SCN1A: variants seen among roughly 807,000 people sequenced by gnomAD.
SCN1A encodes sodium voltage-gated channel alpha subunit 1, also known as sodium channel protein type 1 subunit alpha.
Under a neutral mutation model 193.7 loss-of-function variants are expected in SCN1A, and 13 were observed. That is an observed-to-expected ratio of 0.07 (90% confidence interval 0.04 to 0.11). SCN1A has a LOEUF of 0.11. Among genes scored for constraint, SCN1A ranks in the 10% least tolerant of loss-of-function variants. The pLI, the probability that SCN1A is intolerant of heterozygous loss-of-function variation, is 1.00. For synonymous variants in SCN1A, 781 were observed against 843.6 expected, an observed-to-expected ratio of 0.93 and a Z score of 1.29; for missense variants, 1,432 against 2,451.1, an observed-to-expected ratio of 0.58 and a Z score of 8.78.
chr2:166,104,065 G>C (rs1688429350), intron 2 of SCN1A, among the ~76,000 whole-genome samples: 1 of 152,092 alleles, frequency 6.6e-6, no homozygotes, highest in Non-Finnish European at 1.5e-5. Context: ...GAACCACTGA[G>C]TGATTTGAAA....
rs11900118 is a variant in SCN1A at position 166,098,774 on chromosome 2, T to A, written c.-141-20973A>T. Among the ~76,000 whole-genome samples, 493 of 152,134 alleles carry A rather than the reference T, an allele frequency of 3.2e-3. 3 individuals are homozygous for A. The highest frequency in any genetic ancestry group is 0.012 in the African/African-American group (480 of 41,512). On this transcript the variant is annotated intron_variant, in intron 2 of 28. Transcript: ENST00000674923. The stretch of plus-strand genomic sequence containing the variant: ...TCTCATTCACGATAGCCACGAAAAG[T>A]ATAAAATACCTAGTAACACAGCTAA...
At chr2:166,005,012 G>C (rs1200333082) in intron 23 of SCN1A, among the ~76,000 whole-genome samples, 1 of 151,442 alleles carries the variant, frequency 6.6e-6, no homozygotes, top group Non-Finnish European at 1.5e-5. Context: ...AACAAGTTAA[G>C]TTCAGAAAGT....
intron 3 of SCN1A, among the ~76,000 whole-genome samples, chr2:166,075,755 T>C (rs2105994132): frequency 6.6e-6 from 1 of 152,188 alleles, no homozygotes; most frequent in Admixed American, 6.5e-5. Context: ...AACTACTTTC[T>C]ATGGAGTTTG....
At chr2:166,136,940 C>T (rs529259373) in intron 1 of SCN1A, among the ~76,000 whole-genome samples, 4 of 152,278 alleles carry the variant, frequency 2.6e-5, no homozygotes, top group East Asian at 1.9e-4. Flanking sequence ...TCAAAGCCAA[C>T]GGATGAAGGA....
Position 166,043,890 on chromosome 2 carries a change from A to G in SCN1A, c.1822T>C (p.Leu608=), listed in dbSNP as rs777327423. ...TCTCCGTGTCGTCGGGGCACAAACA[A>G]GGAATCTCTACGGCTCTCGTTATCC... ...FEDNESRRDS[L]FVPRRHGERR... Residue 608 remains leucine (L), a synonymous_variant, in exon 14 of 29, where the codon TTG becomes CTG. Transcript: ENST00000674923. The G allele has an allele frequency of 4.3e-6, 7 of 1,614,166 alleles. No individual in the cohort carries two copies. The highest frequency in any genetic ancestry group is 5.9e-6 in the Non-Finnish European group (7 of 1,180,012).
chr2:166,080,695 G>GT (rs529615108), intron 2 of SCN1A, among the ~76,000 whole-genome samples: 258 of 151,776 alleles, frequency 1.7e-3, no homozygotes, highest in Middle Eastern at 3.4e-3. Flanking sequence ...AAAAAAGATT[G>GT]TAAGAAAATG....
In SCN1A at chr2:166,023,458, T is replaced by C. The variant is rs145941507; in HGVS notation, c.3430-7731A>G. Among the ~76,000 whole-genome samples the C allele has an allele frequency of 2.8e-3, 425 of 152,382 alleles. 3 individuals carry two copies. Among genetic ancestry groups the C allele is most frequent in the Middle Eastern group, 0.01 (3 of 294 alleles). On this transcript the variant is annotated intron_variant, in intron 19 of 28. Coordinates refer to ENST00000674923, the MANE Select transcript of SCN1A (RefSeq NM_001165963.4). ...AATAATTCTTCCTTTAGCCCATTTT[T>C]TAAATATGTAAAATGAAGAGATGAT...
chr2:166,094,097 G>A (rs1289074523), intron 2 of SCN1A, among the ~76,000 whole-genome samples: 1 of 151,932 alleles, frequency 6.6e-6, no homozygotes, highest in East Asian at 1.9e-4. Context: ...TCAAGTACTT[G>A]GACAAATACC....
At chr2:166,000,706 A>G (rs953583381) in intron 24 of SCN1A, among the ~76,000 whole-genome samples, 2 of 151,790 alleles carry the variant, frequency 1.3e-5, no homozygotes, top group Non-Finnish European at 2.9e-5. Context: ...GCTAGAAAGT[A>G]CAAGGCTTTT....
At chr2:166,133,072 C>T (rs1691722551) in intron 1 of SCN1A, among the ~76,000 whole-genome samples, 1 of 151,928 alleles carries the variant, frequency 6.6e-6, no homozygotes, top group South Asian at 2.1e-4. Context: ...AGAGAGAATG[C>T]CAGTTATCTC....
intron 2 of SCN1A, among the ~76,000 whole-genome samples, chr2:166,090,865 A>G (rs1341713300): frequency 6.6e-6 from 1 of 152,238 alleles, no homozygotes; most frequent in Non-Finnish European, 1.5e-5. Flanking sequence ...TTGTTTGTTA[A>G]TCCTAATCAA....
intron 7 of SCN1A, 31 bp downstream of exon 7, chr2:166,054,607 T>A (rs1698934129): frequency 6.2e-7 from 1 of 1,610,208 alleles, no homozygotes; most frequent in Non-Finnish European, 8.5e-7. Flanking sequence ...CAAACTATGT[T>A]CTCTCTTAAA....
Position 166,038,201 on chromosome 2 carries a change from AGAAATGGTCATT to A in SCN1A, c.2590-81_2590-70del, listed in dbSNP as rs1268159626. The A allele has an allele frequency of 3.9e-5, 46 of 1,194,112 alleles. No homozygotes were observed. In the Admixed American group the frequency reaches 5.7e-4, roughly 15 times the overall value. 74.0% of individuals were successfully genotyped at this position (1,194,112 alleles called of 1,614,324 possible). On this transcript the variant is annotated intron_variant, in intron 17 of 28. Transcript: ENST00000674923. ...GCATTATATATATTGAGCTTTACCT[AGAAATGGTCATT>A]AGAATTCAATATCTTACAATATCTG...
At chr2:166,071,344 G>T (rs1419590999) in intron 4 of SCN1A, among the ~76,000 whole-genome samples, 2 of 152,136 alleles carry the variant, frequency 1.3e-5, no homozygotes, top group Non-Finnish European at 2.9e-5. Flanking sequence ...GCAGTTATGA[G>T]ATTAATAATC....
chr2:166,106,604 G>A (rs1688724201), intron 2 of SCN1A, among the ~76,000 whole-genome samples: 1 of 152,124 alleles, frequency 6.6e-6, no homozygotes, highest in African/African-American at 2.4e-5. Flanking sequence ...GCAGTGTGCG[G>A]TGTCAGTGCT....
At chr2:166,018,043 G>A (rs1397644630) in intron 19 of SCN1A, among the ~76,000 whole-genome samples, 1 of 151,918 alleles carries the variant, frequency 6.6e-6, no homozygotes, top group Non-Finnish European at 1.5e-5. Flanking sequence ...TTATCCAATT[G>A]TAAGGTGAAT....
chr2:166,060,254 G>A (rs547928416), intron 4 of SCN1A: 5 of 152,264 alleles, frequency 3.3e-5, no homozygotes, highest in Admixed American at 2.6e-4. Flanking sequence ...TTACCACAAA[G>A]CGCATTTGAA....
intron 23 of SCN1A, among the ~76,000 whole-genome samples, chr2:166,003,975 A>T (rs2105520305): frequency 6.6e-6 from 1 of 151,672 alleles, no homozygotes; most frequent in Non-Finnish European, 1.5e-5. Context: ...ACAGTGTGAT[A>T]AGTGGGCCAA....
chr2:166,058,514 A>G, intron 5 of SCN1A, 56 bp downstream of exon 5: 2 of 972,776 alleles, frequency 2.1e-6, no homozygotes, highest in Non-Finnish European at 3.3e-6. Flanking sequence ...ATTTAGCTAT[A>G]AAGTGCTTAC....
Sources: gnomAD v4.1 joint callset for allele counts (sites outside exome capture counted in the v4.1 genomes callset) on GRCh38, gnomAD v4.1.1 for gene constraint, MANE v1.5 for transcripts, NCBI Gene and HGNC (gene_info 2026-07-23, HGNC 2026-07-21) for gene names.